TLCD4: variants seen among roughly 807,000 people sequenced by gnomAD.
TLCD4 encodes TLC domain containing 4, also known as TLC domain-containing protein 4.
TLCD4 carries 7 observed loss-of-function variants against 24.2 expected under a neutral mutation model. The ratio of observed to expected loss-of-function variants is 0.29; its 90% CI spans 0.16 to 0.54. The LOEUF is 0.54. Among genes scored for constraint, TLCD4 ranks in the 20% least tolerant of loss-of-function variants. The probability of loss-of-function intolerance (pLI) is 0.95; values close to 1 mark genes in which losing one functional copy is unlikely to be tolerated. For missense variants in TLCD4, 259 were observed against 313.9 expected (o/e 0.82, Z 1.32); for synonymous variants, 103 against 106.4 (o/e 0.97, Z 0.20).
intron 5 of TLCD4, among the ~76,000 whole-genome samples, chr1:95,161,235 G>A (rs1022779898): frequency 2.6e-5 from 4 of 151,964 alleles, no homozygotes; most frequent in African/African-American, 7.3e-5. Flanking sequence ...GTCTTGGGAG[G>A]GTGTATGTGT....
At chr1:95,151,617 G>A (rs984873600) in intron 5 of TLCD4, among the ~76,000 whole-genome samples, 198 bp downstream of exon 5, 2 of 152,098 alleles carry the variant, frequency 1.3e-5, no homozygotes, top group Non-Finnish European at 2.9e-5. Context: ...TGGTGTTGGT[G>A]TGTCTGTTTG....
intron 1 of TLCD4, among the ~76,000 whole-genome samples, chr1:95,134,464 G>A (rs1676991712): frequency 6.6e-6 from 1 of 152,188 alleles, no homozygotes; most frequent in African/African-American, 2.4e-5. Context: ...AGGCTGGGCA[G>A]CTGCTATTTG....
chr1:95,162,866 G>T (rs1677867182), intron 5 of TLCD4, among the ~76,000 whole-genome samples: 1 of 152,228 alleles, frequency 6.6e-6, no homozygotes, highest in African/African-American at 2.4e-5. Context: ...TCTGCCGAGA[G>T]ATCCGCTGTT....
intron 6 of TLCD4, among the ~76,000 whole-genome samples, chr1:95,191,173 C>T (rs772909424): frequency 3.3e-5 from 5 of 152,112 alleles, no homozygotes; most frequent in Non-Finnish European, 7.4e-5. Flanking sequence ...TGCTTAACTT[C>T]ATTTTTCTCG....
intron 1 of TLCD4, among the ~76,000 whole-genome samples, chr1:95,118,892 C>T (rs1319535067): frequency 6.6e-6 from 1 of 152,100 alleles, no homozygotes; most frequent in Admixed American, 6.6e-5. Flanking sequence ...TTTGCCACGC[C>T]CCTCCTGTGC....
intron 5 of TLCD4, among the ~76,000 whole-genome samples, chr1:95,162,271 C>A (rs1677836325): frequency 6.6e-6 from 1 of 151,854 alleles, no homozygotes; most frequent in African/African-American, 2.4e-5. Context: ...TTCTTTGTCT[C>A]TTTTGATCTT....
intron 1 of TLCD4, among the ~76,000 whole-genome samples, chr1:95,132,156 A>G (rs1676913947): frequency 6.6e-6 from 1 of 152,152 alleles, no homozygotes; most frequent in Non-Finnish European, 1.5e-5. Context: ...TTTTTCCTTT[A>G]TAAATTATAC....
chr1:95,133,967 G>T (rs899402047), intron 1 of TLCD4, among the ~76,000 whole-genome samples: 4 of 151,710 alleles, frequency 2.6e-5, no homozygotes, highest in Admixed American at 6.6e-5. Flanking sequence ...ATTAAAGAGG[G>T]ATGTACAAGC....
intron 1 of TLCD4, among the ~76,000 whole-genome samples, chr1:95,119,717 G>A (rs1258812026): frequency 6.6e-6 from 1 of 150,756 alleles, no homozygotes; most frequent in African/African-American, 2.4e-5. Flanking sequence ...GAGGCCCAGC[G>A]TTCATGTTCC....
intron 5 of TLCD4, 39 bp from the exon 6 acceptor site, chr1:95,173,777 A>G (rs1352940274): frequency 1.2e-6 from 2 of 1,613,242 alleles, no homozygotes; most frequent in African/African-American, 2.7e-5. Context: ...TTTGTTAAGA[A>G]TGTTATCCTT....
chr1:95,107,528 C>A, the TLCD4 span, among the ~76,000 whole-genome samples: 336 of 152,172 alleles, frequency 2.2e-3, no homozygotes, highest in African/African-American at 7.7e-3. Flanking sequence ...AAATATGATT[C>A]TTTTGGAATT....
chr1:95,113,958 TA>T (rs981644343), upstream of TLCD4, among the ~76,000 whole-genome samples: 12 of 148,212 alleles, frequency 8.1e-5, no homozygotes, highest in East Asian at 2.0e-4. Flanking sequence ...CCCTATCTCT[TA>T]AAAAAAAAAG....
At chr1:95,132,639 A>G (rs1038556646) in intron 1 of TLCD4, among the ~76,000 whole-genome samples, 1 of 152,128 alleles carries the variant, frequency 6.6e-6, no homozygotes, top group Non-Finnish European at 1.5e-5. Context: ...ATCAAGTAGC[A>G]GTAGGCTATA....
At chr1:95,105,893 T>TCAAAAAAACAAA in the TLCD4 span, among the ~76,000 whole-genome samples, 1 of 102,864 alleles carries the variant, frequency 9.7e-6, no homozygotes, top group Non-Finnish European at 2.1e-5. Context: ...AGACTCCGTC[T>TCAAAAAAACAAA]TAAAAAAAAA....
At position 95,169,649 on chromosome 1, in the gene TLCD4, T is replaced by C. The variant is rs544501442; in HGVS notation, c.400-4167T>C. 1.9e-4 allele frequency among the ~76,000 whole-genome samples: 29 copies of C among 152,294 alleles called. No individual in the cohort carries two copies. The East Asian group carries it at 5.4e-3, about 28-fold the overall frequency. ...TATACTTCATGATTTTTTTTTTATTTTTAAAGTTAATATTAACTAGAGAGA... is the reference window on the plus strand; with the variant it reads ...TATACTTCATGATTTTTTTTTTATTCTTAAAGTTAATATTAACTAGAGAGA... On this transcript the variant is annotated intron_variant, in intron 5 of 6. Coordinates refer to ENST00000370203, the MANE Select transcript of TLCD4 (RefSeq NM_152487.3).
intron 2 of TLCD4, among the ~76,000 whole-genome samples, chr1:95,146,499 G>A (rs1273015498): frequency 6.6e-6 from 1 of 151,680 alleles, no homozygotes; most frequent in Non-Finnish European, 1.5e-5. Flanking sequence ...CATTTCCTTA[G>A]AGTGCTATCC....
At chr1:95,163,755 T>G (rs1287153696) in intron 5 of TLCD4, 1 of 152,564 alleles carries the variant, frequency 6.6e-6, no homozygotes, top group Non-Finnish European at 1.5e-5. Flanking sequence ...TGTTGGAGTT[T>G]GCTGTAGGTC....
At chr1:95,126,129 TA>T (rs35251348) in intron 1 of TLCD4, among the ~76,000 whole-genome samples, 7,394 of 129,278 alleles carry the variant, frequency 0.057, 181 homozygotes, top group East Asian at 0.1. Flanking sequence ...CCATCACTAT[TA>T]AAAAAAAAAA....
the TLCD4 span, among the ~76,000 whole-genome samples, chr1:95,101,906 G>A: frequency 1.3e-5 from 2 of 152,310 alleles, no homozygotes; most frequent in South Asian, 4.2e-4. Flanking sequence ...GGAAAATGGA[G>A]AATGACTAGT....
Sources: gnomAD v4.1 joint callset for allele counts (sites outside exome capture counted in the v4.1 genomes callset) on GRCh38, gnomAD v4.1.1 for gene constraint, MANE v1.5 for transcripts, NCBI Gene and HGNC (gene_info 2026-07-23, HGNC 2026-07-21) for gene names.